Variants in FILIP1L observed in about 807,000 individuals in gnomAD.
FILIP1L encodes the protein filamin A-interacting protein 1-like.
FILIP1L carries 55 observed loss-of-function variants against 96.6 expected under a neutral mutation model. That is an observed-to-expected ratio of 0.57 (90% CI 0.46 to 0.71). FILIP1L has a LOEUF of 0.71. Among genes scored for constraint, FILIP1L ranks in the 30% least tolerant of loss-of-function variants. FILIP1L has a pLI of 0.00. For synonymous variants in FILIP1L, 467 were observed against 473.9 expected (o/e 0.99, Z 0.19); for missense variants, 1,304 against 1,321.2 (o/e 0.99, Z 0.20).
At chr3:100,037,429 A>T (rs952510719) in intron 1 of FILIP1L, among the ~76,000 whole-genome samples, 1 of 152,152 alleles carries the variant, frequency 6.6e-6, no homozygotes, top group Admixed American at 6.6e-5. Flanking sequence ...AAATTTAACA[A>T]AAGATTAAAA....
intron 4 of FILIP1L, among the ~76,000 whole-genome samples, chr3:99,921,221 A>G (rs561158426): frequency 1.4e-4 from 21 of 152,302 alleles, no homozygotes; most frequent in Non-Finnish European, 2.4e-4. Context: ...ATGTCACTTG[A>G]AAGCAAGGCA....
intron 4 of FILIP1L, among the ~76,000 whole-genome samples, chr3:99,905,091 C>G (rs375404631): frequency 6.6e-6 from 1 of 152,204 alleles, no homozygotes; most frequent in African/African-American, 2.4e-5. Context: ...ACTGGTCTTT[C>G]CAAGTTCTCT....
intron 1 of FILIP1L, among the ~76,000 whole-genome samples, chr3:100,111,713 C>T (rs963528312): frequency 3.9e-5 from 6 of 152,170 alleles, no homozygotes; most frequent in African/African-American, 1.2e-4. Flanking sequence ...CTGTCTTAGA[C>T]TTCCTGTCTG....
intron 1 of FILIP1L, among the ~76,000 whole-genome samples, chr3:100,027,319 C>T (rs1488945102): frequency 6.6e-6 from 1 of 152,106 alleles, no homozygotes; most frequent in Admixed American, 6.6e-5. Flanking sequence ...AAATGAGCCT[C>T]ACACATGGTA....
Position 99,849,251 on chromosome 3 carries a change from G to C in FILIP1L, c.2425C>G (p.Pro809Ala), listed in dbSNP as rs1448326266. ...GGAATGAGGCTCTTGTAATCAGGTG[G>C]TTCATTGTCTACTGCTTCTGTCTGA... ...EVQTEAVDNE[P>A]PDYKSLIPLE... is the part of the protein sequence containing the mutation. Residue 809 changes from proline to alanine, a missense_variant, in exon 5 of 6, where the codon CCA becomes GCA. Coordinates refer to ENST00000477258, the MANE Select transcript of FILIP1L (RefSeq NM_001387850.1). The C allele has an allele frequency of 6.2e-7, 1 of 1,614,118 alleles. No homozygotes were observed. The highest frequency in any genetic ancestry group is 8.5e-7 in the Non-Finnish European group (1 of 1,179,978).
intron 4 of FILIP1L, among the ~76,000 whole-genome samples, chr3:99,913,770 A>G (rs1006265995): frequency 6.6e-6 from 1 of 152,232 alleles, no homozygotes; most frequent in Admixed American, 6.5e-5. Context: ...TATAGTGTGA[A>G]AAAGCTGTGA....
chr3:99,880,980 G>T (rs185885845), intron 4 of FILIP1L, among the ~76,000 whole-genome samples: 1 of 152,102 alleles, frequency 6.6e-6, no homozygotes, highest in Non-Finnish European at 1.5e-5. Context: ...ATTTAAAAGC[G>T]CATGTTTACA....
intron 1 of FILIP1L, among the ~76,000 whole-genome samples, chr3:100,059,035 T>G (rs960132105): frequency 6.6e-6 from 1 of 152,250 alleles, no homozygotes; most frequent in Admixed American, 6.5e-5. Flanking sequence ...GTAGATAGAC[T>G]TGAAATAAAG....
At chr3:99,967,572 G>A (rs886634199) in intron 1 of FILIP1L, among the ~76,000 whole-genome samples, 1 of 152,268 alleles carries the variant, frequency 6.6e-6, no homozygotes, top group Admixed American at 6.5e-5. Context: ...CCCTACACCT[G>A]GATGGGAAAT....
intron 4 of FILIP1L, among the ~76,000 whole-genome samples, chr3:99,921,237 C>A (rs746736371): frequency 6.6e-6 from 1 of 152,164 alleles, no homozygotes; most frequent in Non-Finnish European, 1.5e-5. Context: ...AGGCACACTA[C>A]GGGTATTTCA....
chr3:99,866,231 T>C lies in FILIP1L; in HGVS notation c.606-15161A>G, dbSNP rs559798539. On this transcript the variant is annotated intron_variant, in intron 4 of 5. Coordinates refer to ENST00000477258, the MANE Select transcript of FILIP1L (RefSeq NM_001387850.1). Reference sequence around the variant, plus strand: ...CTTTCTTACCTTAATTGTTGTTCAGTTCACCACATTTAATAAAAAGCCAAA... The same window carrying C: ...CTTTCTTACCTTAATTGTTGTTCAGCTCACCACATTTAATAAAAAGCCAAA... Among the ~76,000 whole-genome samples the C allele has an allele frequency of 1.4e-4, 21 of 152,234 alleles. No individual in the cohort carries two copies. In the South Asian group the frequency reaches 2.3e-3, roughly 17 times the overall value.
chr3:99,908,178 C>CTGGT lies in FILIP1L; in HGVS notation c.605+16051_605+16052insACCA, dbSNP rs543206723. Among the ~76,000 whole-genome samples, 24 of 152,310 alleles carry CTGGT rather than the reference C, an allele frequency of 1.6e-4. No homozygotes were observed. The East Asian group carries it at 4.4e-3, about 28-fold the overall frequency. The stretch of plus-strand genomic sequence containing the variant: ...ATCTTCCATAACATAGCCCATGCAG[C>CTGGT]TGGATATGTCAGTACAAATTGCTGA... On this transcript the variant is annotated intron_variant, in intron 4 of 5. Coordinates refer to ENST00000477258, the MANE Select transcript of FILIP1L (RefSeq NM_001387850.1).
At chr3:99,956,818 A>G (rs1386906634) in intron 1 of FILIP1L, among the ~76,000 whole-genome samples, 1 of 151,240 alleles carries the variant, frequency 6.6e-6, no homozygotes, top group Non-Finnish European at 1.5e-5. Context: ...CCTGCTCCCC[A>G]CTCTGCCAGT....
In FILIP1L at chr3:100,114,144, A is replaced by G. The variant is rs2066534672; in HGVS notation, c.-102T>C. 2 of 152,050 alleles carry G rather than the reference A, an allele frequency of 1.3e-5. No homozygotes were observed. Among genetic ancestry groups the G allele is most frequent in the Middle Eastern group, 3.4e-3 (1 of 298 alleles). The allele number at this position is 152,050 out of a possible 1,614,324, so 9.4% of individuals were successfully genotyped here. A position where few individuals can be genotyped will look rare whatever the true frequency, so the allele number is the denominator to read the frequency against. On this transcript the variant is annotated 5_prime_UTR_variant, in exon 1 of 6. Coordinates refer to ENST00000477258, the MANE Select transcript of FILIP1L (RefSeq NM_001387850.1). The stretch of plus-strand genomic sequence containing the variant: ...AACAGTGGAATCCAGGACCAACAAC[A>G]ACGTTTTCTTCTTCTCTTTTTGGAC...
intron 5 of FILIP1L, among the ~76,000 whole-genome samples, chr3:99,839,958 G>A (rs1182016489): frequency 6.6e-6 from 1 of 152,132 alleles, no homozygotes; most frequent in Admixed American, 6.6e-5. Context: ...CTTTAATGTG[G>A]TGATTTTTAA....
chr3:99,991,292 C>G (rs1011824193), intron 1 of FILIP1L, among the ~76,000 whole-genome samples: 1 of 152,142 alleles, frequency 6.6e-6, no homozygotes, highest in Non-Finnish European at 1.5e-5. Flanking sequence ...TGAGGCCTAC[C>G]TGCAGGGGCA....
intron 1 of FILIP1L, among the ~76,000 whole-genome samples, chr3:100,020,860 C>A (rs547072751): frequency 1.7e-3 from 262 of 150,414 alleles, no homozygotes; most frequent in African/African-American, 6.1e-3. Context: ...CTCTGCCTCC[C>A]AGGTTCAAGT....
chr3:100,023,773 A>G (rs2064868779), intron 1 of FILIP1L, among the ~76,000 whole-genome samples: 1 of 151,884 alleles, frequency 6.6e-6, no homozygotes, highest in Non-Finnish European at 1.5e-5. Context: ...ACCTAGAACT[A>G]CTCCTGCTCT....
chr3:99,890,333 ATTTCT>A (rs1411893056), intron 4 of FILIP1L, among the ~76,000 whole-genome samples: 1 of 151,850 alleles, frequency 6.6e-6, no homozygotes, highest in Non-Finnish European at 1.5e-5. Context: ...TTAAATGCAG[ATTTCT>A]TTTATTTTGT....
Sources: allele counts gnomAD v4.1 joint callset (sites outside exome capture counted in the v4.1 genomes callset), GRCh38; gene constraint gnomAD v4.1.1; transcripts MANE v1.5; gene names NCBI Gene and HGNC (gene_info 2026-07-23, HGNC 2026-07-21).